SOX5: variants seen among roughly 807,000 people sequenced by gnomAD.
SOX5 encodes SRY-box transcription factor 5.
Under a neutral mutation model 92.0 loss-of-function variants are expected in SOX5, and 9 were observed. The observed-to-expected ratio is 0.10, with a 90% confidence interval of 0.06 to 0.17. The LOEUF (loss-of-function observed/expected upper bound fraction) is 0.17. Among genes scored for constraint, SOX5 ranks in the 10% least tolerant of loss-of-function variants. The probability of loss-of-function intolerance (pLI) is 1.00; values close to 1 mark genes in which losing one functional copy is unlikely to be tolerated. For synonymous variants in SOX5, 344 were observed against 336.3 expected (o/e 1.02, Z -0.25); for missense variants, 642 against 944.5 (o/e 0.68, Z 4.20).
chr12:24,107,064 A>C (rs1448415640), intron 4 of SOX5, among the ~76,000 whole-genome samples: 1 of 152,110 alleles, frequency 6.6e-6, no homozygotes, highest in East Asian at 1.9e-4. Context: ...TAGGACAAGC[A>C]TTTCATCATT....
chr12:24,496,452 C>A (rs1378416343), intron 1 of SOX5, among the ~76,000 whole-genome samples: 1 of 152,174 alleles, frequency 6.6e-6, no homozygotes, highest in African/African-American at 2.4e-5. Flanking sequence ...AATTATCCAA[C>A]TTCACTCTTA....
intron 3 of SOX5, among the ~76,000 whole-genome samples, chr12:24,254,384 T>TAA (rs111692850): frequency 0.023 from 3,295 of 143,422 alleles, 58 homozygotes; most frequent in South Asian, 0.07. Context: ...TTGTAAGTTG[T>TAA]AAAAAAAAAA....
At chr12:24,264,742 A>G (rs933046076) in intron 3 of SOX5, among the ~76,000 whole-genome samples, 5 of 152,234 alleles carry the variant, frequency 3.3e-5, no homozygotes, top group Non-Finnish European at 2.9e-5. Flanking sequence ...AATTATGCTC[A>G]TGAGATAACT....
intron 4 of SOX5, among the ~76,000 whole-genome samples, chr12:24,107,165 T>C (rs977168889): frequency 6.6e-6 from 1 of 152,188 alleles, no homozygotes; most frequent in Non-Finnish European, 1.5e-5. Context: ...ATTTTGTTTC[T>C]TCTACCCAGA....
At chr12:24,235,237 T>C (rs866191918) in intron 3 of SOX5, among the ~76,000 whole-genome samples, 5 of 152,238 alleles carry the variant, frequency 3.3e-5, no homozygotes, top group African/African-American at 1.2e-4. Context: ...TAGAGCTATC[T>C]TATGAGTAAA....
intron 9 of SOX5, 191 bp downstream of exon 9, chr12:23,604,196 A>G: frequency 1.7e-6 from 1 of 571,930 alleles, no homozygotes; most frequent in Non-Finnish European, 3.1e-6. Flanking sequence ...CGCATATTGA[A>G]TAAATGAATA....
At chr12:23,751,584 T>C (rs572263962) in intron 4 of SOX5, among the ~76,000 whole-genome samples, 3 of 151,968 alleles carry the variant, frequency 2.0e-5, no homozygotes, top group Admixed American at 6.6e-5. Flanking sequence ...ATCTCAAACA[T>C]TTACATGCCA....
chr12:23,624,987 T>C (rs1350551062), intron 8 of SOX5, among the ~76,000 whole-genome samples: 1 of 152,188 alleles, frequency 6.6e-6, no homozygotes, highest in Non-Finnish European at 1.5e-5. Flanking sequence ...CTAACTTAGA[T>C]TGATCCCTAT....
At chr12:23,719,807 A>C (rs79210274) in intron 6 of SOX5, among the ~76,000 whole-genome samples, 26 of 140,638 alleles carry the variant, frequency 1.8e-4, no homozygotes, top group Admixed American at 2.2e-4. Flanking sequence ...AAAAAAAAAA[A>C]AAAACTGATG....
Position 23,945,437 on chromosome 12 carries a change from A to T in SOX5, c.38+4127T>A, listed in dbSNP as rs116991745. 2.9e-3 allele frequency among the ~76,000 whole-genome samples: 447 copies of T among 152,260 alleles called. 11 individuals are homozygous for T. The East Asian group carries it at 0.074, about 25-fold the overall frequency. On this transcript the variant is annotated intron_variant, in intron 1 of 14. Transcript: ENST00000451604. ...TGAGCAGTACACAATGTCACCTGAC[A>T]TTTAACCCTTAATTGTTCCTGGTAA...
chr12:23,696,786 C>T (rs911350876), intron 6 of SOX5, among the ~76,000 whole-genome samples: 3 of 152,096 alleles, frequency 2.0e-5, no homozygotes, highest in African/African-American at 7.2e-5. Context: ...GAATATGTTA[C>T]GTTGTCAATT....
intron 4 of SOX5, among the ~76,000 whole-genome samples, chr12:24,202,599 T>C (rs1383953059): frequency 6.6e-6 from 1 of 152,216 alleles, no homozygotes; most frequent in African/African-American, 2.4e-5. Context: ...GTTTTCTTCA[T>C]CTCTTTCCAT....
intron 4 of SOX5, among the ~76,000 whole-genome samples, chr12:24,153,315 G>A (rs1951844057): frequency 6.6e-6 from 1 of 152,048 alleles, no homozygotes; most frequent in Non-Finnish European, 1.5e-5. Context: ...GGAGAAGGAG[G>A]GGGTGCCCTT....
rs138862124 is a variant in SOX5, at chr12:24,305,897, G to A, written c.-173-28585C>T. ...CAGGCGTGAGCCACCGCGCCCAGCC[G>A]ATGAAAGATATTTTAAAGATCTCCA... On this transcript the variant is annotated intron_variant, in intron 2 of 4. Transcript: ENST00000446891. Among the ~76,000 whole-genome samples, 464 of 152,064 alleles carry A rather than the reference G, an allele frequency of 3.1e-3. 4 individuals are homozygous for A. The highest frequency in any genetic ancestry group is 0.01 in the African/African-American group (431 of 41,466).
chr12:23,972,803 G>A (rs1027295506), intron 4 of SOX5, among the ~76,000 whole-genome samples: 1 of 152,088 alleles, frequency 6.6e-6, no homozygotes, highest in Non-Finnish European at 1.5e-5. Flanking sequence ...ACCCATCAAT[G>A]TATCATTTTT....
rs373671026 is a variant in SOX5, at chr12:23,895,795, T to C, written c.268A>G (p.Met90Val). Residue 90 changes from methionine (M) to valine (V), a missense_variant and splice_region_variant, in exon 2 of 15, where the codon ATG (methionine) becomes GTG (valine). Met to Val is a conservative substitution (Grantham distance 21). Coordinates refer to ENST00000451604, the MANE Select transcript of SOX5 (RefSeq NM_006940.6). Reference sequence around the variant, plus strand: ...ACAATAAACCATGAGAAACCTACCATTGTATTGTGCTGAGAAGTGGGAGTC... The same window carrying C: ...ACAATAAACCATGAGAAACCTACCACTGTATTGTGCTGAGAAGTGGGAGTC... The part of the protein sequence containing the change: ...HRTPTSQHNT[M>V]EVDGNKVMSS... 22 of 1,598,982 alleles carry C rather than the reference T, an allele frequency of 1.4e-5. No individual in the cohort carries two copies. The highest frequency in any genetic ancestry group is 1.7e-5 in the Non-Finnish European group (20 of 1,166,448).
At chr12:24,438,007 C>T (rs539430497) in intron 1 of SOX5, among the ~76,000 whole-genome samples, 10 of 152,260 alleles carry the variant, frequency 6.6e-5, no homozygotes, top group Middle Eastern at 3.4e-3. Flanking sequence ...GCACTATTCA[C>T]AATAGCAAAG....
At chr12:24,209,395 T>C (rs147901367) in intron 4 of SOX5, among the ~76,000 whole-genome samples, 335 of 152,344 alleles carry the variant, frequency 2.2e-3, no homozygotes, top group African/African-American at 7.5e-3. Context: ...AAATGATTCT[T>C]ATTCTTATGA....
chr12:23,699,743 ATACT>A (rs2140181269), intron 6 of SOX5, among the ~76,000 whole-genome samples: 1 of 152,244 alleles, frequency 6.6e-6, no homozygotes, highest in Admixed American at 6.5e-5. Context: ...GAAATTAGAG[ATACT>A]TTCTTTCAGA....
Sources: gnomAD v4.1 joint callset for allele counts (sites outside exome capture counted in the v4.1 genomes callset) on GRCh38, gnomAD v4.1.1 for gene constraint, MANE v1.5 for transcripts, NCBI Gene and HGNC (gene_info 2026-07-23, HGNC 2026-07-21) for gene names.